The following SMAD3 variants were observed in gnomAD, a reference collection of about 807,000 sequenced individuals.
The protein encoded by SMAD3 is MAD homolog 3.
Under a neutral mutation model 51.8 loss-of-function variants are expected in SMAD3, and 12 were observed. The observed-to-expected ratio is 0.23, with a 90% CI of 0.15 to 0.38. The LOEUF is 0.38. SMAD3 is among the 10% of genes least tolerant of loss of function. SMAD3 has a pLI of 1.00. For synonymous variants in SMAD3, 238 were observed against 227.7 expected (o/e 1.05, Z -0.41); for missense variants, 294 against 565.6 (o/e 0.52, Z 4.87).
rs886051398 is a variant in SMAD3, at chr15:67,192,133, G to C, written c.*1597G>C. ...AAGTCCTGCTTTATTCCAGGTGAAG[G>C]GAAGGAAGTGTATATACTTTTGGCA... On this transcript the variant is annotated 3_prime_UTR_variant, in exon 9 of 9. Coordinates refer to ENST00000327367, the MANE Select transcript of SMAD3 (RefSeq NM_005902.4). 1 of 232,798 alleles carries C rather than the reference G, an allele frequency of 4.3e-6. No individual in the cohort carries two copies. Among genetic ancestry groups the C allele is most frequent in the South Asian group, 1.8e-4 (1 of 5,526 alleles). 14.4% of individuals were successfully genotyped at this position (232,798 alleles called of 1,614,324 possible).
rs548694914 is a variant in SMAD3, at chr15:67,145,054, C to T, written c.207-19841C>T. On this transcript the variant is annotated intron_variant, in intron 1 of 8. Coordinates refer to ENST00000327367, the MANE Select transcript of SMAD3 (RefSeq NM_005902.4). ...CAGAGAGCCAGGGTGGAGTGTGTTG[C>T]TGGGGAGTTGGAAATGTACCCTCTT... Among the ~76,000 whole-genome samples the T allele has an allele frequency of 2.6e-5, 4 of 152,218 alleles. No homozygotes were observed. The East Asian group carries it at 7.7e-4, about 29-fold the overall frequency.
At chr15:67,123,128 A>G (rs1246655290) in intron 1 of SMAD3, among the ~76,000 whole-genome samples, 1 of 145,798 alleles carries the variant, frequency 6.9e-6, no homozygotes, top group Admixed American at 7.1e-5. Flanking sequence ...GCCAGGAGTT[A>G]AAGTCTGCAG....
At chr15:67,133,173 A>G (rs1404154412) in intron 1 of SMAD3, among the ~76,000 whole-genome samples, 1 of 152,216 alleles carries the variant, frequency 6.6e-6, no homozygotes, top group Non-Finnish European at 1.5e-5. Flanking sequence ...TTCTCCAGGC[A>G]AGTGGCTGTG....
intron 1 of SMAD3, among the ~76,000 whole-genome samples, chr15:67,086,142 A>G (rs1014253482): frequency 6.6e-6 from 1 of 152,130 alleles, no homozygotes; most frequent in Non-Finnish European, 1.5e-5. Flanking sequence ...AGGCCCTTAC[A>G]AATGCCCACA....
chr15:67,163,266 G>T (rs939774131), intron 1 of SMAD3, among the ~76,000 whole-genome samples: 3 of 152,122 alleles, frequency 2.0e-5, no homozygotes, highest in Non-Finnish European at 4.4e-5. Context: ...GATTAATGCC[G>T]GTCTTGCCCA....
At chr15:67,129,931 A>G (rs1961482015) in intron 1 of SMAD3, among the ~76,000 whole-genome samples, 1 of 152,176 alleles carries the variant, frequency 6.6e-6, no homozygotes, top group African/African-American at 2.4e-5. Context: ...CACCACAGCT[A>G]CAGGATTTCT....
intron 1 of SMAD3, among the ~76,000 whole-genome samples, chr15:67,121,483 G>T (rs79868654): frequency 3.3e-5 from 5 of 152,212 alleles, no homozygotes; most frequent in African/African-American, 2.4e-5. Flanking sequence ...GCAGATGGGC[G>T]GGGGGTGGCT....
chr15:67,170,592 CATA>C lies in SMAD3; in HGVS notation c.651_653del (p.Asn218del). 1 of 1,613,910 alleles carries C rather than the reference CATA, an allele frequency of 6.2e-7. No individual in the cohort carries two copies. Among genetic ancestry groups the C allele is most frequent in the South Asian group, 1.1e-5 (1 of 91,082 alleles). ...ATCCCCGAATCCGATGTCCCCAGCA[CATA>C]ATAACTTGGGTGAGTATCTCCTTGT... On this transcript the variant is annotated inframe_deletion, in exon 5 of 9. Coordinates refer to ENST00000327367, the MANE Select transcript of SMAD3 (RefSeq NM_005902.4).
chr15:67,191,333 C>T lies in SMAD3; in HGVS notation c.*797C>T, dbSNP rs1435891314. On this transcript the variant is annotated 3_prime_UTR_variant, in exon 9 of 9. Transcript: ENST00000327367. The stretch of plus-strand genomic sequence containing the variant: ...TTATCACATTAATCTCAAAGAGATT[C>T]GAATGACGGTAAGTGTTCTCATGAA... The T allele has an allele frequency of 1.3e-5, 3 of 233,294 alleles. No individual in the cohort carries two copies. The highest frequency in any genetic ancestry group is 2.5e-5 in the Non-Finnish European group (3 of 118,056). The allele number at this position is 233,294 out of a possible 1,614,324, so 14.5% of individuals were successfully genotyped here.
intron 6 of SMAD3, among the ~76,000 whole-genome samples, chr15:67,182,979 A>AT (rs1963100284): frequency 1.4e-5 from 1 of 70,698 alleles, no homozygotes; most frequent in Non-Finnish European, 2.7e-5. Context: ...TTTTTTCTAT[A>AT]TTTTATTAAA....
At chr15:67,126,872 T>A (rs55847720) in intron 1 of SMAD3, among the ~76,000 whole-genome samples, 41,735 of 152,122 alleles carry the variant, frequency 0.27, 6,429 homozygotes, top group Middle Eastern at 0.37. Context: ...GGGGGCAGTG[T>A]GTCTCCCTAC....
intron 4 of SMAD3, among the ~76,000 whole-genome samples, chr15:67,167,389 G>C (rs1962621243): frequency 6.6e-6 from 1 of 152,156 alleles, no homozygotes; most frequent in Non-Finnish European, 1.5e-5. Context: ...GAAGATGGGA[G>C]GGCCTGCCAC....
chr15:67,079,127 C>G (rs1303939743), intron 1 of SMAD3, among the ~76,000 whole-genome samples: 1 of 151,988 alleles, frequency 6.6e-6, no homozygotes, highest in East Asian at 1.9e-4. Flanking sequence ...TACAGGCATG[C>G]ACCACCATGC....
At chr15:67,126,450 A>G (rs573898218) in intron 1 of SMAD3, among the ~76,000 whole-genome samples, 2 of 152,238 alleles carry the variant, frequency 1.3e-5, no homozygotes, top group East Asian at 3.9e-4. Context: ...CTTGGGGTAC[A>G]GTCTGGAAAT....
At chr15:67,066,662 G>T (rs1959927523) in intron 1 of SMAD3, among the ~76,000 whole-genome samples, 1 of 152,172 alleles carries the variant, frequency 6.6e-6, no homozygotes, top group Non-Finnish European at 1.5e-5. Context: ...GGACTCGGCC[G>T]CCCCCACTCC....
rs146473888 is a variant in SMAD3, at chr15:67,087,088, A to C, written c.206+20728A>C. On this transcript the variant is annotated intron_variant, in intron 1 of 8. Transcript: ENST00000327367. ...TTTTTAGTAGAGATGGGGTTTCACT[A>C]TGTTGGCCAGATTGGTCTTGAACTC... Among the ~76,000 whole-genome samples, 429 of 151,926 alleles carry C rather than the reference A, an allele frequency of 2.8e-3. 4 individuals are homozygous for C. Among genetic ancestry groups the C allele is most frequent in the African/African-American group, 9.7e-3 (403 of 41,418 alleles).
chr15:67,081,629 C>T (rs1186175716), intron 1 of SMAD3, among the ~76,000 whole-genome samples: 1 of 152,168 alleles, frequency 6.6e-6, no homozygotes, highest in East Asian at 1.9e-4. Flanking sequence ...ATCTTTCCTC[C>T]TGGCCATATT....
intron 1 of SMAD3, among the ~76,000 whole-genome samples, chr15:67,100,285 A>C (rs2140223490): frequency 6.6e-6 from 1 of 152,216 alleles, no homozygotes; most frequent in East Asian, 1.9e-4. Flanking sequence ...GCCACATATC[A>C]CATGATTCCA....
chr15:67,097,899 G>T (rs1799149952), intron 1 of SMAD3, among the ~76,000 whole-genome samples: 1 of 152,154 alleles, frequency 6.6e-6, no homozygotes, highest in South Asian at 2.1e-4. Context: ...TAGTTCTTCA[G>T]GCTGTGCTCT....
Sources: allele counts gnomAD v4.1 joint callset (sites outside exome capture counted in the v4.1 genomes callset), GRCh38; gene constraint gnomAD v4.1.1; transcripts MANE v1.5; gene names NCBI Gene and HGNC (gene_info 2026-07-23, HGNC 2026-07-21).